Variants in GNAO1 observed in about 807,000 individuals in gnomAD.
GNAO1 encodes G protein subunit alpha o1.
For missense variants in GNAO1, 166 were observed against 478.7 expected (o/e 0.35, Z 6.10); for synonymous variants, 164 against 180.7 (o/e 0.91, Z 0.74).
chr16:56,218,386 G>A (rs1804845083), intron 2 of GNAO1, among the ~76,000 whole-genome samples: 2 of 152,208 alleles, frequency 1.3e-5, no homozygotes, highest in African/African-American at 2.4e-5. Flanking sequence ...ATGTTGAGGT[G>A]ACAGTATCGG....
chr16:56,316,077 G>T (rs1472042407), intron 3 of GNAO1, among the ~76,000 whole-genome samples: 2 of 151,774 alleles, frequency 1.3e-5, no homozygotes, highest in Non-Finnish European at 2.9e-5. Context: ...AAAAGAGTGA[G>T]CAGGGCCTCC....
At chr16:56,268,315 T>G (rs1427374043) in intron 2 of GNAO1, among the ~76,000 whole-genome samples, 2 of 152,246 alleles carry the variant, frequency 1.3e-5, no homozygotes, top group African/African-American at 2.4e-5. Context: ...ATGCCACTTT[T>G]TTGTTGTTAA....
At chr16:56,331,273 C>T (rs1226100767) in intron 4 of GNAO1, among the ~76,000 whole-genome samples, 1 of 152,198 alleles carries the variant, frequency 6.6e-6, no homozygotes, top group Non-Finnish European at 1.5e-5. Context: ...TTCTGGATAA[C>T]TACCTAGAGG....
chr16:56,222,011 A>G (rs2036494001), intron 2 of GNAO1, among the ~76,000 whole-genome samples: 1 of 152,216 alleles, frequency 6.6e-6, no homozygotes, highest in Non-Finnish European at 1.5e-5. Flanking sequence ...AGGGAAACTT[A>G]GGAAAAGAGC....
intron 2 of GNAO1, among the ~76,000 whole-genome samples, chr16:56,260,345 C>A (rs2036891782): frequency 6.6e-6 from 1 of 152,172 alleles, no homozygotes; most frequent in Non-Finnish European, 1.5e-5. Context: ...AGGATGGCAG[C>A]TTGAGGGGCC....
At chr16:56,193,139 G>A (rs1377823918) in intron 2 of GNAO1, 2 of 155,986 alleles carry the variant, frequency 1.3e-5, no homozygotes, top group African/African-American at 4.8e-5. Flanking sequence ...AGGATCAAGT[G>A]TCTGCTGTTC....
At chr16:56,343,934 G>A in intron 6 of GNAO1, 1 of 1,613,852 alleles carries the variant, frequency 6.2e-7, no homozygotes, top group Non-Finnish European at 8.5e-7. Flanking sequence ...AACCTGCGGG[G>A]CTGTGGACTC....
intron 3 of GNAO1, among the ~76,000 whole-genome samples, chr16:56,289,201 G>C (rs2037205993): frequency 6.6e-6 from 1 of 152,234 alleles, no homozygotes; most frequent in Non-Finnish European, 1.5e-5. Flanking sequence ...TGAGCCCCCA[G>C]TGCAGGCCAC....
chr16:56,272,362 T>C (rs2037026556), intron 2 of GNAO1, among the ~76,000 whole-genome samples: 1 of 152,286 alleles, frequency 6.6e-6, no homozygotes, highest in Admixed American at 6.5e-5. Context: ...AATTTTCTAG[T>C]CTTAAGTATT....
intron 2 of GNAO1, among the ~76,000 whole-genome samples, chr16:56,224,568 C>T (rs2036518138): frequency 1.3e-5 from 2 of 152,294 alleles, no homozygotes; most frequent in African/African-American, 4.8e-5. Context: ...GCTTTGCCTC[C>T]CAGGTTCAAG....
chr16:56,333,802 C>A (rs1460810215), intron 4 of GNAO1, among the ~76,000 whole-genome samples: 1 of 152,268 alleles, frequency 6.6e-6, no homozygotes, highest in African/African-American at 2.4e-5. Context: ...GTGGTTCAGA[C>A]ACTTGGGGCT....
At chr16:56,259,078 G>A (rs1482734758) in intron 2 of GNAO1, among the ~76,000 whole-genome samples, 3 of 152,192 alleles carry the variant, frequency 2.0e-5, no homozygotes, top group Admixed American at 2.0e-4. Context: ...GTGATCAGTG[G>A]GCGTCAGCAA....
chr16:56,343,713 C>A (rs2037829898), intron 6 of GNAO1: 2 of 1,472,052 alleles, frequency 1.4e-6, no homozygotes, highest in East Asian at 2.4e-5. Context: ...CCATGCCAAG[C>A]AGTCCCATGG....
chr16:56,215,181 G>A (rs1205437464), intron 2 of GNAO1, among the ~76,000 whole-genome samples: 1 of 152,196 alleles, frequency 6.6e-6, no homozygotes, highest in African/African-American at 2.4e-5. Context: ...GGTCCATGGG[G>A]TGTTCCTCTG....
At chr16:56,306,298 C>G (rs1222440223) in intron 3 of GNAO1, among the ~76,000 whole-genome samples, 3 of 152,222 alleles carry the variant, frequency 2.0e-5, no homozygotes, top group Non-Finnish European at 4.4e-5. Context: ...GCGGCCCACA[C>G]TCTGGGAAAT....
chr16:56,243,041 A>G (rs150664672), intron 2 of GNAO1, among the ~76,000 whole-genome samples: 2 of 152,016 alleles, frequency 1.3e-5, no homozygotes, highest in East Asian at 3.9e-4. Context: ...CTGTACATGC[A>G]AGGGATCTAG....
At chr16:56,267,351 C>T (rs577045397) in intron 2 of GNAO1, among the ~76,000 whole-genome samples, 3 of 152,328 alleles carry the variant, frequency 2.0e-5, no homozygotes, top group Admixed American at 6.5e-5. Flanking sequence ...CAGGAGGGAA[C>T]GGCAGACCCG....
intron 2 of GNAO1, among the ~76,000 whole-genome samples, chr16:56,218,980 GAAACACACCA>G (rs2036460258): frequency 6.6e-6 from 1 of 152,068 alleles, no homozygotes; most frequent in African/African-American, 2.4e-5. Flanking sequence ...TTTAAAATGT[GAAACACACCA>G]CTTTAGGGGA....
intron 7 of GNAO1, chr16:56,352,771 T>C (rs567111672): frequency 6.6e-6 from 1 of 152,450 alleles, no homozygotes; most frequent in Admixed American, 6.5e-5. Flanking sequence ...TTTGCAAGGT[T>C]CTTGCCCTTC....
Sources: allele counts gnomAD v4.1 joint callset (sites outside exome capture counted in the v4.1 genomes callset), GRCh38; gene constraint gnomAD v4.1.1; transcripts MANE v1.5; gene names NCBI Gene and HGNC (gene_info 2026-07-23, HGNC 2026-07-21).